The following RCC1L variants were observed in gnomAD, a reference collection of about 807,000 sequenced individuals.
The protein encoded by RCC1L is RCC1-like G exchanging factor-like protein.
RCC1L carries 46 observed loss-of-function variants against 58.6 expected under a neutral mutation model. The observed-to-expected ratio is 0.79, with a 90% CI of 0.62 to 1.00. The LOEUF (loss-of-function observed/expected upper bound fraction) is 1.00, where lower values mean the gene tolerates loss of function less well. Among genes scored for constraint, RCC1L ranks in the 50% least tolerant of loss-of-function variants. RCC1L has a pLI of 0.00. For missense variants in RCC1L, 636 were observed against 623.6 expected, an observed-to-expected ratio of 1.02 and a Z score of -0.21; for synonymous variants, 281 against 262.9, an observed-to-expected ratio of 1.07 and a Z score of -0.67.
rs1806095124 is a variant in RCC1L at position 75,056,819 on chromosome 7, A to T, written c.1057+710T>A. 1.3e-5 allele frequency: 16 copies of T among 1,219,438 alleles called. No individual in the cohort carries two copies. The South Asian group carries it at 2.1e-4, about 16-fold the overall frequency. 75.5% of individuals were successfully genotyped at this position (1,219,438 alleles called of 1,614,324 possible). On this transcript the variant is annotated intron_variant, in intron 8 of 10. Transcript: ENST00000610322. ...AATCCAATGCCATCTTCCCATGGCC[A>T]TAGTCCCTTCCTTTTTTGAAACAGG...
At chr7:75,055,336 T>TG (rs1554443760) in intron 9 of RCC1L, among the ~76,000 whole-genome samples, 1 of 152,198 alleles carries the variant, frequency 6.6e-6, no homozygotes, top group Admixed American at 6.5e-5. Flanking sequence ...GGATATTCTG[T>TG]GGCTTTGTAA....
chr7:75,042,086 G>A, downstream of RCC1L: 1 of 737,180 alleles, frequency 1.4e-6, no homozygotes. Context: ...CTCTATAAAA[G>A]TATTTTTCAC....
At chr7:75,058,879 A>C in intron 6 of RCC1L, 110 bp from the exon 7 acceptor site, 2 of 1,384,882 alleles carry the variant, frequency 1.4e-6, no homozygotes, top group Non-Finnish European at 2.0e-6. Context: ...GTATCAGCTC[A>C]GAAATCCCAG....
chr7:75,028,117 T>A (rs1193500809), intron 10 of RCC1L: 1 of 343,950 alleles, frequency 2.9e-6, no homozygotes, highest in Non-Finnish European at 3.8e-6. Flanking sequence ...TGATGTGGAA[T>A]TTTTTTTTTT....
chr7:75,056,426 T>A, intron 8 of RCC1L: 1 of 1,200,790 alleles, frequency 8.3e-7, no homozygotes, highest in Non-Finnish European at 1.1e-6. Context: ...TTTCTCCCCC[T>A]AATGACAGCT....
intron 2 of RCC1L, among the ~76,000 whole-genome samples, chr7:75,067,821 G>A (rs77064652): frequency 0.034 from 5,177 of 151,898 alleles, 257 homozygotes; most frequent in African/African-American, 0.1. Context: ...CTCCAGCATG[G>A]GTGACAGGGC....
At chr7:75,034,663 C>G (rs1317493217) in intron 10 of RCC1L, among the ~76,000 whole-genome samples, 13 of 152,106 alleles carry the variant, frequency 8.5e-5, no homozygotes, top group African/African-American at 3.1e-4. Context: ...GTGGGAAACT[C>G]AGGCAGCATC....
chr7:75,040,829 G>A (rs1805537849), downstream of RCC1L, among the ~76,000 whole-genome samples: 1 of 152,152 alleles, frequency 6.6e-6, no homozygotes, highest in African/African-American at 2.4e-5. Flanking sequence ...CGCAGCCCAG[G>A]TGAAGGGCCC....
Position 75,033,599 on chromosome 7 carries a change from G to T in RCC1L, c.1318-5520C>A, listed in dbSNP as rs900058239. 2.6e-5 allele frequency among the ~76,000 whole-genome samples: 4 copies of T among 151,968 alleles called. 1 individual carries two copies. In the East Asian group the frequency reaches 7.7e-4, roughly 29 times the overall value. ...AATCCCAGCTACTCGGGAGGCTAAGGCAGAAGAATCGCTTGAACCTGGGAG... is the reference window on the plus strand; with the variant it reads ...AATCCCAGCTACTCGGGAGGCTAAGTCAGAAGAATCGCTTGAACCTGGGAG... On this transcript the variant is annotated intron_variant, in intron 10 of 10. Coordinates refer to the RCC1L transcript ENST00000614461.
Position 75,073,576 on chromosome 7 carries a change from G to A in RCC1L, c.162C>T (p.Arg54=), listed in dbSNP as rs1806853462. Residue 54 remains arginine, a synonymous_variant, in exon 1 of 11, where the codon CGC becomes CGT. Coordinates refer to ENST00000610322, the MANE Select transcript of RCC1L (RefSeq NM_030798.5). The part of the protein sequence containing the change: ...EVPVVQYVGE[R]AARADRVFVW... The stretch of plus-strand genomic sequence containing the variant: ...CGAAGACGCGATCGGCGCGGGCAGC[G>A]CGCTCGCCCACGTACTGGACCACGG... 1 of 1,511,898 alleles carries A rather than the reference G, an allele frequency of 6.6e-7. No homozygotes were observed. The highest frequency in any genetic ancestry group is 8.8e-7 in the Non-Finnish European group (1 of 1,139,478). The allele number at this position is 1,511,898 out of a possible 1,614,324, so 93.7% of individuals were successfully genotyped here. A position where few individuals can be genotyped will look rare whatever the true frequency, so the allele number is the denominator to read the frequency against.
intron 2 of RCC1L, among the ~76,000 whole-genome samples, chr7:75,067,433 C>A (rs1219189616): frequency 6.6e-6 from 1 of 151,950 alleles, no homozygotes; most frequent in Non-Finnish European, 1.5e-5. Context: ...GTTTGATACC[C>A]ACCTGGCCAA....
chr7:75,056,264 C>T (rs1446529065), intron 8 of RCC1L, among the ~76,000 whole-genome samples, 190 bp from the exon 9 acceptor site: 2 of 152,018 alleles, frequency 1.3e-5, no homozygotes, highest in African/African-American at 4.8e-5. Flanking sequence ...ATTCTCTCTC[C>T]CCTGCTTAAA....
At position 75,066,868 on chromosome 7, in the gene RCC1L, T is replaced by A; in HGVS notation, c.455-76A>T. The A allele has an allele frequency of 4.7e-6, 7 of 1,500,480 alleles. No individual in the cohort carries two copies. In the South Asian group the frequency reaches 9.3e-5, roughly 20 times the overall value. 92.9% of individuals were successfully genotyped at this position (1,500,480 alleles called of 1,614,324 possible). A position where few individuals can be genotyped will look rare whatever the true frequency, so the allele number is the denominator to read the frequency against. ...ATCATACTGTCCAACTCCACGCTAC[T>A]ACACTGGAAAAAAGAGAGTCGGAGG... is the stretch of plus-strand genomic sequence containing the variant. On this transcript the variant is annotated intron_variant, in intron 2 of 10. Transcript: ENST00000610322.
chr7:75,033,513 G>A (rs1236003615), intron 10 of RCC1L, among the ~76,000 whole-genome samples: 2 of 151,930 alleles, frequency 1.3e-5, no homozygotes, highest in Non-Finnish European at 2.9e-5. Context: ...TGGCCAAAAT[G>A]GTGAATCCCC....
At chr7:75,072,661 A>G (rs1316826146) in intron 1 of RCC1L, among the ~76,000 whole-genome samples, 2 of 152,162 alleles carry the variant, frequency 1.3e-5, no homozygotes, top group Non-Finnish European at 2.9e-5. Context: ...TTGGATATAG[A>G]CCAAAGATGG....
chr7:75,065,165 C>T (rs1246424959), intron 3 of RCC1L, among the ~76,000 whole-genome samples: 1 of 150,030 alleles, frequency 6.7e-6, no homozygotes, highest in East Asian at 1.9e-4. Flanking sequence ...TTTGCATTTT[C>T]GACATTAACG....
chr7:75,057,588 G>C lies in RCC1L; in HGVS notation c.998C>G (p.Ser333Ter). The change falls in exon 8 of 11, where the codon TCA becomes TGA. Residue 333 changes from serine to a stop codon, truncating the protein, a stop_gained. Transcript: ENST00000610322. LOFTEE classifies it high-confidence loss of function. The part of the protein sequence containing the change: ...QVNVPRCLHF[S>*]GVGKVRQAAC... ...AGCCTGTCGCACCTTCCCCACTCCTGAGAAGTGTAAGCAGCGGGGCACATT... is the reference window on the plus strand; with the variant it reads ...AGCCTGTCGCACCTTCCCCACTCCTCAGAAGTGTAAGCAGCGGGGCACATT... 6.2e-7 allele frequency: 1 copy of C among 1,613,928 alleles called. No homozygotes were observed. Among genetic ancestry groups the C allele is most frequent in the East Asian group, 2.2e-5 (1 of 44,884 alleles).
At chr7:75,030,062 C>G (rs1000978023) in intron 10 of RCC1L, among the ~76,000 whole-genome samples, 4 of 152,184 alleles carry the variant, frequency 2.6e-5, no homozygotes, top group African/African-American at 9.7e-5. Flanking sequence ...GAGGCAGGAG[C>G]CTGAGGCCTG....
In RCC1L at chr7:75,072,524, C is replaced by T. The variant is rs62476595; in HGVS notation, c.324+890G>A. Among the ~76,000 whole-genome samples the T allele has an allele frequency of 1.5e-3, 226 of 152,132 alleles. 2 individuals carry two copies. Among genetic ancestry groups the T allele is most frequent in the Middle Eastern group, 6.8e-3 (2 of 294 alleles). ...CAGGCTATTACCATGAAAAGGAAAA[C>T]TCAGTACTACAGCTACTGTGAATTT... is the stretch of plus-strand genomic sequence containing the variant. On this transcript the variant is annotated intron_variant, in intron 1 of 10. Transcript: ENST00000610322.
Sources: allele counts gnomAD v4.1 joint callset (sites outside exome capture counted in the v4.1 genomes callset), GRCh38; gene constraint gnomAD v4.1.1; transcripts MANE v1.5; gene names NCBI Gene and HGNC (gene_info 2026-07-23, HGNC 2026-07-21).